The following SLC36A1 variants were observed in gnomAD, a reference collection of about 807,000 sequenced individuals.
SLC36A1 encodes proton-coupled amino acid transporter 1.
A neutral mutation model predicts 47.5 loss-of-function variants in SLC36A1; 30 were observed. That is an observed-to-expected ratio of 0.63 (90% CI 0.47 to 0.86). The LOEUF (loss-of-function observed/expected upper bound fraction) is 0.86. Among genes scored for constraint, SLC36A1 ranks in the 40% least tolerant of loss-of-function variants. The pLI, the probability that SLC36A1 is intolerant of heterozygous loss-of-function variation, is 0.00. For missense variants in SLC36A1, 517 were observed against 606.0 expected, an observed-to-expected ratio of 0.85 and a Z score of 1.54; for synonymous variants, 255 against 249.7, an observed-to-expected ratio of 1.02 and a Z score of -0.20.
chr5:151,364,393 T>G, the SLC36A1 span, among the ~76,000 whole-genome samples: 133 of 152,340 alleles, frequency 8.7e-4, no homozygotes, highest in African/African-American at 3.1e-3. Context: ...TTTGAGAAAC[T>G]GCCAAACTGC....
At chr5:151,410,761 G>GTCTCATGC in the SLC36A1 span, among the ~76,000 whole-genome samples, 1 of 144,228 alleles carries the variant, frequency 6.9e-6, no homozygotes, top group African/African-American at 2.5e-5. Flanking sequence ...ATATTTTATA[G>GTCTCATGC]TCTCATGCTA....
At chr5:151,549,092 T>TTACTCATAATTAC in the SLC36A1 span, among the ~76,000 whole-genome samples, 10 of 152,346 alleles carry the variant, frequency 6.6e-5, no homozygotes, top group African/African-American at 2.2e-4. Flanking sequence ...TGAGTGGTCC[T>TTACTCATAATTAC]TACTCATATT....
rs1197644667 is a variant in SLC36A1 at position 151,458,836 on chromosome 5, G to T, written c.44G>T (p.Ser15Ile). Residue 15 changes from serine to isoleucine, a missense_variant, in exon 2 of 11, where the codon AGC becomes ATC. Physicochemically the swap from Ser to Ile is moderately radical, Grantham distance 142. Coordinates refer to ENST00000243389, the MANE Select transcript of SLC36A1 (RefSeq NM_078483.4). ...CGGAATGAAGACTACCACGACTACAGCTCCACGGACGTGAGCCCTGAGGAG... is the reference window on the plus strand; with the variant it reads ...CGGAATGAAGACTACCACGACTACATCTCCACGGACGTGAGCCCTGAGGAG... ...RLRNEDYHDY[S>I]STDVSPEESP... 6.2e-7 allele frequency: 1 copy of T among 1,614,080 alleles called. No homozygotes were observed. The highest frequency in any genetic ancestry group is 1.1e-5 in the South Asian group (1 of 91,082).
the SLC36A1 span, among the ~76,000 whole-genome samples, chr5:151,519,997 G>A: frequency 2.0e-5 from 3 of 152,204 alleles, no homozygotes; most frequent in Non-Finnish European, 2.9e-5. Context: ...CTGATGCCAG[G>A]TGGCTGAGAG....
intron 5 of SLC36A1, among the ~76,000 whole-genome samples, chr5:151,466,366 T>A (rs1756377962): frequency 6.6e-6 from 1 of 152,232 alleles, no homozygotes; most frequent in Non-Finnish European, 1.5e-5. Context: ...CACATGTTCT[T>A]AAAGTTTTTT....
chr5:151,383,571 AT>A, the SLC36A1 span, among the ~76,000 whole-genome samples: 227 of 132,418 alleles, frequency 1.7e-3, 1 homozygote, highest in South Asian at 8.3e-3. Flanking sequence ...TTTAACTTAA[AT>A]TTTTTTTTTT....
intron 10 of SLC36A1, among the ~76,000 whole-genome samples, chr5:151,487,007 C>A (rs1209414963): frequency 6.6e-6 from 1 of 152,142 alleles, no homozygotes; most frequent in Admixed American, 6.5e-5. Flanking sequence ...AGTTAATATC[C>A]CCATTTTGCC....
chr5:151,347,007 A>G, the SLC36A1 span, among the ~76,000 whole-genome samples: 1 of 152,224 alleles, frequency 6.6e-6, no homozygotes, highest in East Asian at 1.9e-4. Flanking sequence ...TAGGGCCAGC[A>G]CTGAATTCTA....
the SLC36A1 span, among the ~76,000 whole-genome samples, chr5:151,427,882 G>T: frequency 5.9e-5 from 9 of 152,204 alleles, no homozygotes; most frequent in African/African-American, 2.2e-4. Context: ...TACTGCAGAG[G>T]CTGGAGAGTG....
the SLC36A1 span, among the ~76,000 whole-genome samples, chr5:151,497,746 A>G: frequency 1.3e-5 from 2 of 152,038 alleles, no homozygotes; most frequent in Non-Finnish European, 2.9e-5. Flanking sequence ...TAGGATGTTT[A>G]GCAGCATCCT....
rs1026522402 is a variant in SLC36A1, at chr5:151,467,930, A to C, written c.723+5A>C. 2 of 1,611,700 alleles carry C rather than the reference A, an allele frequency of 1.2e-6. No homozygotes were observed. Among genetic ancestry groups the C allele is most frequent in the Non-Finnish European group, 1.7e-6 (2 of 1,178,576 alleles). On this transcript the variant is annotated splice_donor_5th_base_variant and intron_variant, in intron 7 of 10. Coordinates refer to ENST00000243389, the MANE Select transcript of SLC36A1 (RefSeq NM_078483.4). ...ATCTACCAGTTCATTGTTCAGGTACATGCCTAGGCCCTCTCCTATCATCTT... is the reference window on the plus strand; with the variant it reads ...ATCTACCAGTTCATTGTTCAGGTACCTGCCTAGGCCCTCTCCTATCATCTT...
the SLC36A1 span, chr5:151,512,459 T>C: frequency 3.7e-6 from 6 of 1,614,218 alleles, no homozygotes; most frequent in Non-Finnish European, 5.1e-6. This position sits in a 1 kb window ranked among gnomAD's most constrained non-coding sequence, Gnocchi z 4.1. Context: ...GTGTTGCCCA[T>C]GCTGTCAACC....
the SLC36A1 span, among the ~76,000 whole-genome samples, chr5:151,413,296 T>C: frequency 1.3e-5 from 2 of 151,566 alleles, no homozygotes; most frequent in Admixed American, 1.3e-4. Flanking sequence ...AAATATAAAA[T>C]ATAAAGAGTG....
At chr5:151,544,656 T>C in the SLC36A1 span, 4 of 1,614,132 alleles carry the variant, frequency 2.5e-6, no homozygotes, top group Non-Finnish European at 3.4e-6. Context: ...CAAGTACCTC[T>C]TCCTCACTCT....
At chr5:151,346,459 C>T in the SLC36A1 span, among the ~76,000 whole-genome samples, 1 of 152,078 alleles carries the variant, frequency 6.6e-6, no homozygotes, top group East Asian at 1.9e-4. Flanking sequence ...TTCACACTGC[C>T]ACCTGTTTTG....
the SLC36A1 span, among the ~76,000 whole-genome samples, chr5:151,389,654 C>T: frequency 1.2e-4 from 18 of 148,170 alleles, no homozygotes; most frequent in African/African-American, 2.7e-4. Flanking sequence ...TGAGAACATG[C>T]GGTGTTTGGT....
the SLC36A1 span, among the ~76,000 whole-genome samples, chr5:151,419,087 C>T: frequency 6.6e-6 from 1 of 152,158 alleles, no homozygotes; most frequent in Non-Finnish European, 1.5e-5. Context: ...GTTTCTTCTT[C>T]GCCTTCTGCT....
the SLC36A1 span, chr5:151,553,441 C>G: frequency 3.7e-4 from 562 of 1,528,796 alleles, 1 homozygote; most frequent in Non-Finnish European, 4.8e-4. Context: ...ACAGGAAGAC[C>G]CAAGCAGCCA....
the SLC36A1 span, among the ~76,000 whole-genome samples, chr5:151,388,393 T>C: frequency 0.54 from 81,099 of 151,236 alleles, 24,929 homozygotes; most frequent in African/African-American, 0.86. Context: ...CCCAGCTACT[T>C]GGGAGGCTGA....
Sources: allele counts gnomAD v4.1 joint callset (sites outside exome capture counted in the v4.1 genomes callset), GRCh38; gene constraint gnomAD v4.1.1; non-coding constraint Gnocchi (gnomAD v3.1); transcripts MANE v1.5; gene names NCBI Gene and HGNC (gene_info 2026-07-23, HGNC 2026-07-21).